The following SPP2 variants were observed in gnomAD, a reference collection of about 807,000 sequenced individuals.
The protein encoded by SPP2 is secreted phosphoprotein 2.
Under a neutral mutation model 28.8 loss-of-function variants are expected in SPP2, and 34 were observed. That is an observed-to-expected ratio of 1.18 (90% CI 0.90 to 1.57). The LOEUF (loss-of-function observed/expected upper bound fraction) is 1.57, where lower values mean the gene tolerates loss of function less well. Among genes scored for constraint, SPP2 ranks in the 40% most tolerant of loss-of-function variants. The pLI is 0.00. For synonymous variants in SPP2, 96 were observed against 89.4 expected (o/e 1.07, Z -0.42); for missense variants, 269 against 263.9 (o/e 1.02, Z -0.13).
chr2:234,066,713 G>A (rs1693829451), intron 5 of SPP2, 126 bp downstream of exon 5: 1 of 730,702 alleles, frequency 1.4e-6, no homozygotes, highest in Non-Finnish European at 2.2e-6. Flanking sequence ...TACAGCCATA[G>A]AAAATTAACA....
chr2:234,068,850 A>T lies in SPP2; in HGVS notation c.551-1078A>T, dbSNP rs147126094. Among the ~76,000 whole-genome samples, 539 of 152,252 alleles carry T rather than the reference A, an allele frequency of 3.5e-3. 5 individuals carry two copies. Among genetic ancestry groups the T allele is most frequent in the African/African-American group, 0.013 (521 of 41,544 alleles). On this transcript the variant is annotated intron_variant, in intron 6 of 7. Coordinates refer to ENST00000168148, the MANE Select transcript of SPP2 (RefSeq NM_006944.3). ...GTGTGTTGGTTATCTATTGCTATAT[A>T]TCAAATTACCCCAAAATGTGGCAGC... is the stretch of plus-strand genomic sequence containing the variant.
At chr2:234,067,357 TC>T in intron 6 of SPP2, 83 bp downstream of exon 6, 1 of 1,264,676 alleles carries the variant, frequency 7.9e-7, no homozygotes, top group East Asian at 2.3e-5. Context: ...CATAGCTGTT[TC>T]CTGTTTCATA....
chr2:234,071,435 A>G (rs1690778434), intron 7 of SPP2, among the ~76,000 whole-genome samples: 1 of 152,172 alleles, frequency 6.6e-6, no homozygotes, highest in Non-Finnish European at 1.5e-5. Context: ...TCATACTGGC[A>G]CTGAGCTTCA....
At chr2:234,052,977 A>G (rs930328354) in intron 2 of SPP2, among the ~76,000 whole-genome samples, 1 of 152,250 alleles carries the variant, frequency 6.6e-6, no homozygotes, top group Non-Finnish European at 1.5e-5. Context: ...TGAGGGATAC[A>G]CTAAAAGGCA....
At chr2:234,053,249 G>C (rs940439695) in intron 2 of SPP2, among the ~76,000 whole-genome samples, 1 of 152,176 alleles carries the variant, frequency 6.6e-6, no homozygotes, top group Non-Finnish European at 1.5e-5. Flanking sequence ...GGAAATATGT[G>C]TTAAACATAT....
At chr2:234,069,040 C>T (rs1298237081) in intron 6 of SPP2, among the ~76,000 whole-genome samples, 1 of 152,042 alleles carries the variant, frequency 6.6e-6, no homozygotes, top group African/African-American at 2.4e-5. Flanking sequence ...GAGCCACTTC[C>T]AAGCCCACTC....
chr2:234,075,849 C>A (rs1353850499), intron 7 of SPP2, among the ~76,000 whole-genome samples: 1 of 152,178 alleles, frequency 6.6e-6, no homozygotes, highest in South Asian at 2.1e-4. Context: ...ACTCACTCTT[C>A]CCCCTGTCTC....
chr2:234,064,271 G>A (rs1693776069), intron 4 of SPP2, among the ~76,000 whole-genome samples: 4 of 150,988 alleles, frequency 2.6e-5, no homozygotes, highest in Admixed American at 2.6e-4. Context: ...CTCTGTCACT[G>A]TGCCTTCTGC....
At chr2:234,059,094 C>T in intron 3 of SPP2, 136 bp downstream of exon 3, 3 of 1,057,586 alleles carry the variant, frequency 2.8e-6, no homozygotes, top group Non-Finnish European at 3.9e-6. Flanking sequence ...GACATTGTGT[C>T]CCCTGGTGGG....
intron 4 of SPP2, among the ~76,000 whole-genome samples, chr2:234,066,081 C>T (rs1001816114): frequency 3.7e-4 from 56 of 152,156 alleles, no homozygotes; most frequent in East Asian, 5.8e-4. Context: ...AGAAAGACTG[C>T]GAGCCAAGCA....
intron 2 of SPP2, among the ~76,000 whole-genome samples, chr2:234,057,385 G>A (rs1693630225): frequency 6.6e-6 from 1 of 152,210 alleles, no homozygotes. Flanking sequence ...CATTGGCTCT[G>A]CTTTCTATTC....
chr2:234,065,528 C>T (rs1693801911), intron 4 of SPP2, among the ~76,000 whole-genome samples: 1 of 152,164 alleles, frequency 6.6e-6, no homozygotes, highest in African/African-American at 2.4e-5. Flanking sequence ...AGTCTGCCTG[C>T]CTTGCCTCCC....
intron 2 of SPP2, among the ~76,000 whole-genome samples, chr2:234,051,851 A>G (rs1475429798): frequency 6.6e-6 from 1 of 152,192 alleles, no homozygotes; most frequent in Non-Finnish European, 1.5e-5. Flanking sequence ...GAGAATGAAG[A>G]CACGGCTGAA....
intron 2 of SPP2, among the ~76,000 whole-genome samples, chr2:234,053,206 G>T (rs2267900): frequency 0.34 from 51,906 of 152,030 alleles, 9,159 homozygotes; most frequent in South Asian, 0.5. Context: ...CGAGAGTTTG[G>T]AATTTTGTAA....
At chr2:234,056,490 T>G (rs1001324788) in intron 2 of SPP2, among the ~76,000 whole-genome samples, 1 of 152,316 alleles carries the variant, frequency 6.6e-6, no homozygotes, top group East Asian at 1.9e-4. Flanking sequence ...TTCTCCCTAT[T>G]CTTGAAAGTC....
chr2:234,062,983 T>C (rs941938751), intron 4 of SPP2, among the ~76,000 whole-genome samples: 5 of 152,204 alleles, frequency 3.3e-5, no homozygotes, highest in Non-Finnish European at 5.9e-5. Flanking sequence ...AAAGGTTAGG[T>C]GATCATAAAC....
rs548606027 is a variant in SPP2, at chr2:234,070,762, G to A, written c.*10+739G>A. Among the ~76,000 whole-genome samples, 4 of 152,214 alleles carry A rather than the reference G, an allele frequency of 2.6e-5. No individual in the cohort carries two copies. The South Asian group carries it at 6.2e-4, about 24-fold the overall frequency. ...CAGGTGTGAGCCACCACGCCTGGCCGACGTATGCTTTAAATACTGGTGAGC... is the reference window on the plus strand; with the variant it reads ...CAGGTGTGAGCCACCACGCCTGGCCAACGTATGCTTTAAATACTGGTGAGC... On this transcript the variant is annotated intron_variant, in intron 7 of 7. Transcript: ENST00000168148.
At chr2:234,065,301 A>G (rs778936309) in intron 4 of SPP2, among the ~76,000 whole-genome samples, 6 of 151,764 alleles carry the variant, frequency 4.0e-5, no homozygotes, top group Non-Finnish European at 7.4e-5. Flanking sequence ...GTTGTTGTTG[A>G]CAGAGTCTCA....
intron 6 of SPP2, among the ~76,000 whole-genome samples, chr2:234,069,303 A>G (rs1433143015): frequency 1.3e-5 from 2 of 152,160 alleles, no homozygotes; most frequent in Non-Finnish European, 2.9e-5. Context: ...TGCATAATCT[A>G]TTATTAAATA....
Sources: gnomAD v4.1 joint callset for allele counts (sites outside exome capture counted in the v4.1 genomes callset) on GRCh38, gnomAD v4.1.1 for gene constraint, MANE v1.5 for transcripts, NCBI Gene and HGNC (gene_info 2026-07-23, HGNC 2026-07-21) for gene names.